Variants in SDK1 observed in about 807,000 individuals in gnomAD.
SDK1 encodes the protein protein sidekick-1.
A neutral mutation model predicts 245.5 loss-of-function variants in SDK1; 157 were observed. That is an observed-to-expected ratio of 0.64 (90% CI 0.56 to 0.73). The LOEUF (loss-of-function observed/expected upper bound fraction) is 0.73, where lower values mean the gene tolerates loss of function less well. Ranked by LOEUF, SDK1 falls within the 30% of genes least tolerant of loss-of-function variation. The pLI, the probability that SDK1 is intolerant of heterozygous loss-of-function variation, is 0.00. For synonymous variants in SDK1, 1,647 were observed against 1,278.5 expected (o/e 1.29, Z -6.15); for missense variants, 3,583 against 3,002.3 (o/e 1.19, Z -4.52).
intron 13 of SDK1, among the ~76,000 whole-genome samples, chr7:3,986,631 C>T (rs1461270159): frequency 6.6e-6 from 1 of 152,132 alleles, no homozygotes. Context: ...GAGGCCAAGG[C>T]GGGTGAATCA....
chr7:3,481,020 A>G (rs1264887684), intron 1 of SDK1, among the ~76,000 whole-genome samples: 1 of 152,168 alleles, frequency 6.6e-6, no homozygotes, highest in Non-Finnish European at 1.5e-5. Context: ...TTTTTTACCT[A>G]TTCTGACAAT....
intron 5 of SDK1, among the ~76,000 whole-genome samples, chr7:3,923,270 T>G (rs1411111732): frequency 6.6e-6 from 1 of 152,014 alleles, no homozygotes; most frequent in Non-Finnish European, 1.5e-5. Flanking sequence ...ATCCCATTAT[T>G]ATGGACTTTT....
intron 2 of SDK1, among the ~76,000 whole-genome samples, chr7:3,637,661 T>G (rs1250381841): frequency 6.6e-6 from 1 of 152,256 alleles, no homozygotes; most frequent in East Asian, 1.9e-4. Context: ...TTTAATTATT[T>G]TTTTCCTTTG....
chr7:4,125,668 A>G (rs555370783), intron 25 of SDK1, among the ~76,000 whole-genome samples: 2 of 152,204 alleles, frequency 1.3e-5, no homozygotes, highest in East Asian at 1.9e-4. Context: ...AGATGCTTCT[A>G]CTCACCTCTG....
chr7:3,325,988 A>G (rs374679624), intron 1 of SDK1, among the ~76,000 whole-genome samples: 1 of 152,100 alleles, frequency 6.6e-6, no homozygotes, highest in East Asian at 1.9e-4. Flanking sequence ...GAGCCAACCA[A>G]ATAAAAGGGC....
At chr7:4,135,607 C>G (rs1390753409) in intron 28 of SDK1, among the ~76,000 whole-genome samples, 2 of 152,230 alleles carry the variant, frequency 1.3e-5, no homozygotes, top group African/African-American at 2.4e-5. Flanking sequence ...GTTTTGGACT[C>G]AGATCTCAGC....
chr7:3,575,753 T>G (rs1309478435), intron 1 of SDK1, among the ~76,000 whole-genome samples: 1 of 152,078 alleles, frequency 6.6e-6, no homozygotes, highest in Non-Finnish European at 1.5e-5. Context: ...TTTATGGGAA[T>G]GTAGTAGAAA....
At chr7:4,103,217 G>T (rs1344209263) in intron 22 of SDK1, among the ~76,000 whole-genome samples, 2 of 152,032 alleles carry the variant, frequency 1.3e-5, no homozygotes, top group African/African-American at 4.8e-5. Context: ...AGCCAGGATG[G>T]TCTCAATCTC....
chr7:3,384,623 C>A (rs893620611), intron 1 of SDK1, among the ~76,000 whole-genome samples: 2 of 152,168 alleles, frequency 1.3e-5, no homozygotes, highest in Admixed American at 6.5e-5. Flanking sequence ...GATTTGTGTT[C>A]TACACAACCG....
chr7:3,915,945 T>C (rs1336854659), intron 5 of SDK1, among the ~76,000 whole-genome samples: 3 of 152,238 alleles, frequency 2.0e-5, no homozygotes, highest in Non-Finnish European at 4.4e-5. Flanking sequence ...TGTTAATCTC[T>C]GAAAAGTCTA....
At chr7:3,425,197 C>G (rs1779642454) in intron 1 of SDK1, among the ~76,000 whole-genome samples, 1 of 151,532 alleles carries the variant, frequency 6.6e-6, no homozygotes, top group South Asian at 2.1e-4. Context: ...TCCCCATAAG[C>G]TGCTGTTGAA....
chr7:3,625,632 G>T (rs1782092847), intron 2 of SDK1, among the ~76,000 whole-genome samples: 1 of 152,244 alleles, frequency 6.6e-6, no homozygotes, highest in Non-Finnish European at 1.5e-5. Flanking sequence ...ATGCATCTCA[G>T]AAGTGCCCAC....
chr7:3,722,389 C>G (rs1170097724), intron 4 of SDK1, among the ~76,000 whole-genome samples: 4 of 152,164 alleles, frequency 2.6e-5, no homozygotes, highest in African/African-American at 9.7e-5. Flanking sequence ...AAGGAAGGGG[C>G]ACCCTGGGGA....
At chr7:3,522,782 A>T (rs1394247528) in intron 1 of SDK1, among the ~76,000 whole-genome samples, 1 of 152,182 alleles carries the variant, frequency 6.6e-6, no homozygotes, top group Non-Finnish European at 1.5e-5. Context: ...ACCTTTTGAA[A>T]AACATGATCT....
intron 5 of SDK1, among the ~76,000 whole-genome samples, chr7:3,871,691 C>T (rs1428052869): frequency 1.3e-5 from 2 of 152,166 alleles, no homozygotes; most frequent in Non-Finnish European, 2.9e-5. Flanking sequence ...CTCCCTTTAA[C>T]AATCAGCCCT....
intron 1 of SDK1, among the ~76,000 whole-genome samples, chr7:3,606,256 C>A (rs548153900): frequency 2.0e-5 from 3 of 152,262 alleles, no homozygotes; most frequent in Non-Finnish European, 4.4e-5. Flanking sequence ...CCTTAGGCCC[C>A]AGGTCTGATC....
intron 2 of SDK1, among the ~76,000 whole-genome samples, chr7:3,636,659 T>C (rs1212105297): frequency 2.0e-5 from 3 of 152,232 alleles, no homozygotes; most frequent in Non-Finnish European, 4.4e-5. Context: ...AATGCTGCAG[T>C]AGACGTGGGA....
chr7:3,631,414 C>T (rs1346623738), intron 2 of SDK1, among the ~76,000 whole-genome samples: 4 of 152,164 alleles, frequency 2.6e-5, no homozygotes, highest in African/African-American at 9.7e-5. Flanking sequence ...TCTAGTTGTC[C>T]ATCTTGATGT....
intron 5 of SDK1, among the ~76,000 whole-genome samples, chr7:3,851,553 G>T (rs1385166884): frequency 6.6e-6 from 1 of 151,290 alleles, no homozygotes; most frequent in Non-Finnish European, 1.5e-5. Context: ...TAATAATTGA[G>T]ATCAGTAATA....
Sources: gnomAD v4.1 joint callset for allele counts (sites outside exome capture counted in the v4.1 genomes callset) on GRCh38, gnomAD v4.1.1 for gene constraint, MANE v1.5 for transcripts, NCBI Gene and HGNC (gene_info 2026-07-23, HGNC 2026-07-21) for gene names.